Variants in IL17RB observed in about 807,000 individuals in gnomAD.
The protein encoded by IL17RB is interleukin 17 receptor B, also known as interleukin-17 receptor B.
In IL17RB, 36 loss-of-function variants were observed where a neutral mutation model predicts 43.9. That is an observed-to-expected ratio of 0.82 (90% CI 0.63 to 1.08). The LOEUF (loss-of-function observed/expected upper bound fraction) is 1.08, where lower values mean the gene tolerates loss of function less well. Among genes scored for constraint, IL17RB ranks in the 50% least tolerant of loss-of-function variants. IL17RB has a pLI of 0.00. For synonymous variants in IL17RB, 225 were observed against 225.4 expected (o/e 1.00, Z 0.02); for missense variants, 613 against 613.6 (o/e 1.00, Z 0.01).
rs1699354989 is a variant in IL17RB at position 53,856,926 on chromosome 3, A to G, written c.612A>G (p.Gly204=). The change falls in exon 7 of 11, where the codon GGA becomes GGG. Residue 204 remains glycine (G), a synonymous_variant. Coordinates refer to ENST00000288167, the MANE Select transcript of IL17RB (RefSeq NM_018725.4). ...TGAACTTCACAACCACTCCCCTGGGAAACAGATACATGGCTCTTATCCAAC... is the reference window on the plus strand; with the variant it reads ...TGAACTTCACAACCACTCCCCTGGGGAACAGATACATGGCTCTTATCCAAC... ...VEVNFTTTPL[G]NRYMALIQHS... 1.2e-6 allele frequency: 2 copies of G among 1,614,116 alleles called. No individual in the cohort carries two copies. The highest frequency in any genetic ancestry group is 1.7e-6 in the Non-Finnish European group (2 of 1,179,970).
intron 10 of IL17RB, among the ~76,000 whole-genome samples, chr3:53,863,738 CAAAATGT>C (rs1377151072): frequency 6.6e-6 from 1 of 152,008 alleles, no homozygotes; most frequent in Non-Finnish European, 1.5e-5. Context: ...TGACCCGACT[CAAAATGT>C]GAAGTGCAGA....
chr3:53,865,203 C>A lies in IL17RB; in HGVS notation c.1404C>A (p.Leu468=). 6.2e-7 allele frequency: 1 copy of A among 1,614,074 alleles called. No homozygotes were observed. Among genetic ancestry groups the A allele is most frequent in the Non-Finnish European group, 8.5e-7 (1 of 1,179,992 alleles). ...NALSVCPKYH[L]MKDATAFCAE... ...TCAGTGTCTGCCCCAAGTACCACCT[C>A]ATGAAGGATGCCACTGCTTTCTGTG... is the stretch of plus-strand genomic sequence containing the variant. The change falls in exon 11 of 11, where the codon CTC becomes CTA. Residue 468 remains leucine, a synonymous_variant. Coordinates refer to ENST00000288167, the MANE Select transcript of IL17RB (RefSeq NM_018725.4).
At chr3:53,851,862 CAGT>C in intron 3 of IL17RB, 134 bp from the exon 4 acceptor site, 1 of 968,962 alleles carries the variant, frequency 1.0e-6, no homozygotes, top group Non-Finnish European at 1.5e-6. Context: ...AAACTGGAGA[CAGT>C]GGTGCCTACC....
intron 3 of IL17RB, among the ~76,000 whole-genome samples, chr3:53,850,538 G>A (rs4546140): frequency 6.7e-6 from 1 of 149,558 alleles, no homozygotes; most frequent in Admixed American, 6.7e-5. Context: ...GCGTGGTGGC[G>A]CATGCCTGTA....
In IL17RB at chr3:53,849,711, C is replaced by T; in HGVS notation, c.142C>T (p.Leu48Phe). The T allele has an allele frequency of 6.2e-7, 1 of 1,613,066 alleles. No individual in the cohort carries two copies. The highest frequency in any genetic ancestry group is 8.5e-7 in the Non-Finnish European group (1 of 1,179,538). The part of the protein sequence containing the change: ...HDLIPGDLRD[L>F]RVEPVTTSVA... ...TCTAATCCCCGGAGACTTGAGGGAC[C>T]TCCGAGTAGAACCTGTTACAACTAG... The change falls in exon 3 of 11, where the codon CTC becomes TTC. Residue 48 changes from leucine (L) to phenylalanine (F), a missense_variant. Leu to Phe is a conservative substitution (Grantham distance 22). Coordinates refer to ENST00000288167, the MANE Select transcript of IL17RB (RefSeq NM_018725.4).
intron 10 of IL17RB, among the ~76,000 whole-genome samples, chr3:53,862,977 C>T (rs775500206): frequency 1.6e-4 from 24 of 152,306 alleles, no homozygotes; most frequent in Non-Finnish European, 5.9e-5. Context: ...AAGACTAACC[C>T]CTTCCTCCTC....
chr3:53,856,958 C>G lies in IL17RB; in HGVS notation c.644C>G (p.Thr215Ser). Residue 215 changes from threonine to serine, a missense_variant, in exon 7 of 11, where the codon ACT (threonine) becomes AGT (serine). Transcript: ENST00000288167. ...NRYMALIQHS[T>S]IIGFSQVFEP... The stretch of plus-strand genomic sequence containing the variant: ...TACATGGCTCTTATCCAACACAGCA[C>G]TATCATCGGGTTTTCTCAGGTGTTT... 1 of 1,614,148 alleles carries G rather than the reference C, an allele frequency of 6.2e-7. No homozygotes were observed. Among genetic ancestry groups the G allele is most frequent in the Non-Finnish European group, 8.5e-7 (1 of 1,180,024 alleles).
At chr3:53,850,762 G>C (rs992970687) in intron 3 of IL17RB, among the ~76,000 whole-genome samples, 1 of 152,126 alleles carries the variant, frequency 6.6e-6, no homozygotes, top group Non-Finnish European at 1.5e-5. Context: ...TTGAGACTGT[G>C]CCATTGCACT....
chr3:53,851,601 T>C (rs961534313), intron 3 of IL17RB, among the ~76,000 whole-genome samples: 2 of 151,948 alleles, frequency 1.3e-5, no homozygotes, highest in Non-Finnish European at 2.9e-5. Flanking sequence ...GGAACAGGTG[T>C]GGTTTGGTGA....
chr3:53,848,643 T>C, intron 1 of IL17RB, 21 bp from the exon 2 acceptor site: 1 of 1,472,098 alleles, frequency 6.8e-7, no homozygotes, highest in African/African-American at 2.7e-5. Flanking sequence ...AACGTGACGC[T>C]TGGTTTTTTC....
chr3:53,860,453 G>T, intron 10 of IL17RB: 1 of 381,840 alleles, frequency 2.6e-6, no homozygotes, highest in Non-Finnish European at 4.7e-6. Context: ...TGACTGTCCC[G>T]TTTTTATTTT....
chr3:53,849,424 CA>C (rs2107003623), intron 2 of IL17RB, among the ~76,000 whole-genome samples: 1 of 152,114 alleles, frequency 6.6e-6, no homozygotes, highest in East Asian at 1.9e-4. Flanking sequence ...ACCTATAATC[CA>C]AGCACTTTGG....
intron 10 of IL17RB, 91 bp from the exon 11 acceptor site, chr3:53,864,655 C>G (rs959495031): frequency 3.1e-6 from 3 of 981,392 alleles, no homozygotes; most frequent in Non-Finnish European, 4.6e-6. Context: ...CTGACATTCT[C>G]TAGCAAGGGA....
chr3:53,858,202 A>T, intron 8 of IL17RB: 1 of 270,892 alleles, frequency 3.7e-6, no homozygotes, highest in Non-Finnish European at 5.9e-6. Context: ...GTCCAGTGGG[A>T]CACAGCCACT....
Position 53,849,742 on chromosome 3 carries a change from C to T in IL17RB, c.173C>T (p.Ala58Val). The part of the protein sequence containing the change: ...LRVEPVTTSV[A>V]TGDYSILMNV... ...GTAGAACCTGTTACAACTAGTGTTG[C>T]AACAGGGGACTATTCAATTTTGATG... The change falls in exon 3 of 11, where the codon GCA (alanine) becomes GTA (valine). Residue 58 changes from alanine (A) to valine (V), a missense_variant. By Grantham distance (64) the Ala-to-Val change is moderately conservative. Coordinates refer to ENST00000288167, the MANE Select transcript of IL17RB (RefSeq NM_018725.4). The T allele has an allele frequency of 6.2e-7, 1 of 1,611,914 alleles. No individual in the cohort carries two copies. Among genetic ancestry groups the T allele is most frequent in the Non-Finnish European group, 8.5e-7 (1 of 1,178,568 alleles).
chr3:53,856,479 C>T (rs557672603), intron 6 of IL17RB, among the ~76,000 whole-genome samples: 2 of 152,314 alleles, frequency 1.3e-5, no homozygotes, highest in South Asian at 4.1e-4. Context: ...TAATCTTAGA[C>T]ATGTTTTCCA....
intron 1 of IL17RB, among the ~76,000 whole-genome samples, chr3:53,847,122 C>T (rs951223896): frequency 1.3e-5 from 2 of 152,160 alleles, no homozygotes; most frequent in Non-Finnish European, 2.9e-5. Flanking sequence ...TGCCTTTCTT[C>T]CCCAGTACCC....
intron 10 of IL17RB, among the ~76,000 whole-genome samples, chr3:53,862,134 C>G (rs28741402): frequency 0.022 from 3,397 of 152,252 alleles, 115 homozygotes; most frequent in East Asian, 0.14. Context: ...TCCCAGGAAG[C>G]GACTGCCTTT....
In IL17RB at chr3:53,858,599, A is replaced by G; in HGVS notation, c.748-120A>G. The G allele has an allele frequency of 6.1e-6, 9 of 1,472,640 alleles. 1 individual carries two copies. The highest frequency in any genetic ancestry group is 8.1e-6 in the Non-Finnish European group (9 of 1,110,406). 91.2% of individuals were successfully genotyped at this position (1,472,640 alleles called of 1,614,324 possible). On this transcript the variant is annotated intron_variant, in intron 8 of 10. Coordinates refer to ENST00000288167, the MANE Select transcript of IL17RB (RefSeq NM_018725.4). ...TGTGACCAAGGGGAAAATGTGCATG[A>G]CAACACTAGAGGTATGGGCGAAGCC...
Sources: gnomAD v4.1 joint callset for allele counts (sites outside exome capture counted in the v4.1 genomes callset) on GRCh38, gnomAD v4.1.1 for gene constraint, MANE v1.5 for transcripts, NCBI Gene and HGNC (gene_info 2026-07-23, HGNC 2026-07-21) for gene names.